KLRG1: variants seen among roughly 807,000 people sequenced by gnomAD.
The protein encoded by KLRG1 is killer cell lectin-like receptor subfamily G member 1.
In KLRG1, 16 loss-of-function variants were observed where a neutral mutation model predicts 21.8. The ratio of observed to expected loss-of-function variants is 0.73; its 90% CI spans 0.50 to 1.11. KLRG1 has a LOEUF of 1.11. Ranked by LOEUF, KLRG1 falls within the 50% of genes most tolerant of loss-of-function variation. KLRG1 has a pLI of 0.00. For missense variants in KLRG1, 173 were observed against 218.3 expected (o/e 0.79, Z 1.31); for synonymous variants, 69 against 75.9 (o/e 0.91, Z 0.47).
chr12:9,043,933 A>T, the KLRG1 span, among the ~76,000 whole-genome samples: 3 of 152,350 alleles, frequency 2.0e-5, no homozygotes, highest in African/African-American at 7.2e-5. Flanking sequence ...GAGAACAAGC[A>T]GTCTCTCAGA....
At chr12:9,007,969 A>G (rs907993923) in intron 3 of KLRG1, among the ~76,000 whole-genome samples, 4 of 152,136 alleles carry the variant, frequency 2.6e-5, no homozygotes, top group Admixed American at 6.6e-5. Context: ...TATAGAGGCA[A>G]TTCTCTTTGG....
At chr12:9,157,932 T>A in the KLRG1 span, 1 of 1,068,616 alleles carries the variant, frequency 9.4e-7, no homozygotes, top group Non-Finnish European at 1.4e-6. Context: ...TCAGTATCTG[T>A]TTCCATTCAA....
the KLRG1 span, chr12:9,149,596 G>C: frequency 6.2e-7 from 1 of 1,612,984 alleles, no homozygotes; most frequent in East Asian, 2.2e-5. Flanking sequence ...AGCAACCACA[G>C]ACTCATCTGA....
the KLRG1 span, among the ~76,000 whole-genome samples, chr12:9,049,301 T>G: frequency 6.6e-6 from 1 of 152,118 alleles, no homozygotes; most frequent in Non-Finnish European, 1.5e-5. Context: ...AGAATGGTCA[T>G]GTGGACTACA....
the KLRG1 span, chr12:9,066,331 T>C: frequency 4.6e-5 from 7 of 152,456 alleles, no homozygotes; most frequent in African/African-American, 1.2e-4. Flanking sequence ...CGTCACTGCA[T>C]TCGCCAGTGC....
chr12:9,197,274 C>T, the KLRG1 span: 1 of 552,982 alleles, frequency 1.8e-6, no homozygotes. Flanking sequence ...AAATGTCTCC[C>T]TCAAAAATAT....
At chr12:9,082,265 G>A in the KLRG1 span, among the ~76,000 whole-genome samples, 144 of 152,276 alleles carry the variant, frequency 9.5e-4, no homozygotes, top group African/African-American at 3.3e-3. Flanking sequence ...CTCACAGCCC[G>A]GATTGTGACC....
the KLRG1 span, among the ~76,000 whole-genome samples, chr12:9,122,867 T>C: frequency 1.3e-5 from 2 of 152,108 alleles, no homozygotes; most frequent in Admixed American, 1.3e-4. Flanking sequence ...AAATTACAAG[T>C]TATTTATAAA....
chr12:9,164,606 C>G, the KLRG1 span, among the ~76,000 whole-genome samples: 1 of 152,252 alleles, frequency 6.6e-6, no homozygotes, highest in Middle Eastern at 3.4e-3. Flanking sequence ...TCTCCTATTT[C>G]TTACAACATA....
chr12:9,137,685 T>C, the KLRG1 span, among the ~76,000 whole-genome samples: 4 of 152,092 alleles, frequency 2.6e-5, no homozygotes, highest in Non-Finnish European at 5.9e-5. Context: ...TTTAATTGTG[T>C]CTTAATTTCT....
the KLRG1 span, among the ~76,000 whole-genome samples, chr12:9,209,991 TAG>T: frequency 1.3e-5 from 2 of 152,138 alleles, no homozygotes; most frequent in Non-Finnish European, 1.5e-5. Flanking sequence ...GGATTCTTCA[TAG>T]TTTTCAACAT....
chr12:9,141,546 C>G, the KLRG1 span, among the ~76,000 whole-genome samples: 1 of 152,296 alleles, frequency 6.6e-6, no homozygotes, highest in African/African-American at 2.4e-5. Flanking sequence ...GATACTTCTT[C>G]AACTTTAGCC....
chr12:9,031,120 C>A, the KLRG1 span, among the ~76,000 whole-genome samples: 1 of 152,166 alleles, frequency 6.6e-6, no homozygotes, highest in Non-Finnish European at 1.5e-5. Context: ...GGTGAGGGCT[C>A]AACCCCTCAG....
chr12:9,081,660 T>C, the KLRG1 span, among the ~76,000 whole-genome samples: 1 of 152,338 alleles, frequency 6.6e-6, no homozygotes, highest in Non-Finnish European at 1.5e-5. Context: ...TCCTTTAGGT[T>C]AGCACAATGC....
the KLRG1 span, among the ~76,000 whole-genome samples, chr12:9,117,807 G>A: frequency 6.7e-4 from 102 of 152,224 alleles, no homozygotes; most frequent in African/African-American, 2.4e-3. Flanking sequence ...TTTTAATAGT[G>A]TATTTTATTT....
the KLRG1 span, among the ~76,000 whole-genome samples, chr12:9,159,633 A>G: frequency 6.6e-6 from 1 of 151,972 alleles, no homozygotes; most frequent in Admixed American, 6.6e-5. Context: ...ACAAAGTAAA[A>G]CAAAGAAAAG....
Position 9,010,231 on chromosome 12 carries a change from A to C in KLRG1, c.*694A>C. Reference sequence around the variant, plus strand: ...AATGTGAGAATATAAATTGTGGGAAATGAGTGAGGGCAAGGTGGTACTTCC... The same window carrying C: ...AATGTGAGAATATAAATTGTGGGAACTGAGTGAGGGCAAGGTGGTACTTCC... On this transcript the variant is annotated 3_prime_UTR_variant, in exon 5 of 5. Transcript: ENST00000356986. The C allele has an allele frequency of 1.9e-6, 1 of 517,652 alleles. No individual in the cohort carries two copies. Among genetic ancestry groups the C allele is most frequent in the Non-Finnish European group, 3.4e-6 (1 of 291,374 alleles). 32.1% of individuals were successfully genotyped at this position (517,652 alleles called of 1,614,324 possible).
chr12:9,021,330 A>AAAT, the KLRG1 span, among the ~76,000 whole-genome samples: 1 of 152,192 alleles, frequency 6.6e-6, no homozygotes, highest in South Asian at 2.1e-4. Flanking sequence ...TGAAATAATG[A>AAAT]AATAACCTTA....
At chr12:9,122,832 A>G in the KLRG1 span, among the ~76,000 whole-genome samples, 1 of 152,170 alleles carries the variant, frequency 6.6e-6, no homozygotes, top group Admixed American at 6.5e-5. Context: ...TTTAATTTAA[A>G]GTAATGCAGT....
Sources: allele counts gnomAD v4.1 joint callset (sites outside exome capture counted in the v4.1 genomes callset), GRCh38; gene constraint gnomAD v4.1.1; transcripts MANE v1.5; gene names NCBI Gene and HGNC (gene_info 2026-07-23, HGNC 2026-07-21).